The following SYMPK variants were observed in gnomAD, a reference collection of about 807,000 sequenced individuals.
SYMPK encodes the protein symplekin.
SYMPK carries 49 observed loss-of-function variants against 136.4 expected under a neutral mutation model. That is an observed-to-expected ratio of 0.36 (90% CI 0.29 to 0.46). SYMPK has a LOEUF of 0.46. Ranked by LOEUF, SYMPK falls within the 20% of genes least tolerant of loss-of-function variation. SYMPK has a pLI of 1.00. For synonymous variants in SYMPK, 766 were observed against 713.0 expected (o/e 1.07, Z -1.19); for missense variants, 1,365 against 1,690.0 (o/e 0.81, Z 3.37).
chr19:45,830,323 G>A, intron 12 of SYMPK, 119 bp from the exon 13 acceptor site: 1 of 1,145,606 alleles, frequency 8.7e-7, no homozygotes, highest in South Asian at 1.5e-5. Context: ...TCCCCCTGCT[G>A]CCTCTCCAGT....
chr19:45,842,548 C>T, intron 8 of SYMPK, 59 bp from the exon 9 acceptor site: 2 of 1,583,584 alleles, frequency 1.3e-6, no homozygotes, highest in Non-Finnish European at 1.7e-6. Flanking sequence ...TGCTGCCAGT[C>T]TTAATTCTCA....
chr19:45,850,068 CA>C (rs895193508), intron 5 of SYMPK, among the ~76,000 whole-genome samples: 26 of 149,360 alleles, frequency 1.7e-4, no homozygotes, highest in African/African-American at 4.7e-4. Context: ...AAAACAAAAA[CA>C]AAAAAAAACA....
At chr19:45,850,347 A>T (rs1004833638) in intron 5 of SYMPK, among the ~76,000 whole-genome samples, 2 of 152,258 alleles carry the variant, frequency 1.3e-5, no homozygotes, top group Non-Finnish European at 2.9e-5. Context: ...TCTTCAGTTA[A>T]AGGGTCAAAC....
chr19:45,833,344 G>A (rs183259277), intron 11 of SYMPK, among the ~76,000 whole-genome samples: 23 of 152,316 alleles, frequency 1.5e-4, no homozygotes, highest in Non-Finnish European at 3.1e-4. Flanking sequence ...GCTCACACCC[G>A]AAATCCCAGG....
intron 17 of SYMPK, 54 bp from the exon 18 acceptor site, chr19:45,825,385 C>G: frequency 1.3e-6 from 2 of 1,577,922 alleles, no homozygotes; most frequent in South Asian, 1.2e-5. Context: ...CCAACCCCCT[C>G]GGACCCTCAG....
chr19:45,816,139 C>G lies in SYMPK; in HGVS notation c.3399G>C (p.Arg1133=). The change falls in exon 26 of 27, where the codon CGG becomes CGC. Residue 1133 remains arginine (R), a synonymous_variant. Coordinates refer to ENST00000245934, the MANE Select transcript of SYMPK (RefSeq NM_004819.3). ...PLTLAPAPAP[R]PPQDLIGLRL... ...GCAGGCCGATGAGGTCCTGAGGGGG[C>G]CGGGGTGCTGGGGCCGGGGCCAAGG... 6.5e-7 allele frequency: 1 copy of G among 1,548,776 alleles called. No individual in the cohort carries two copies. Among genetic ancestry groups the G allele is most frequent in the African/African-American group, 1.4e-5 (1 of 73,526 alleles).
intron 7 of SYMPK, among the ~76,000 whole-genome samples, chr19:45,844,631 C>T (rs899624099): frequency 4.0e-5 from 6 of 151,730 alleles, no homozygotes; most frequent in Middle Eastern, 3.4e-3. Flanking sequence ...GCCGAGATCG[C>T]GCCACTGCAC....
chr19:45,820,762 T>C (rs1015752805), intron 22 of SYMPK: 5 of 195,374 alleles, frequency 2.6e-5, no homozygotes, highest in Non-Finnish European at 5.2e-5. Flanking sequence ...ACTTAGCTTC[T>C]GCTTGGCCCT....
At chr19:45,833,868 C>T (rs1274538063) in intron 11 of SYMPK, among the ~76,000 whole-genome samples, 3 of 152,158 alleles carry the variant, frequency 2.0e-5, no homozygotes, top group Non-Finnish European at 4.4e-5. Context: ...AGAAATATTA[C>T]AGGTCCAGTG....
Position 45,816,782 on chromosome 19 carries a change from TG to T in SYMPK, c.3258+15del, listed in dbSNP as rs780050553. Reference sequence around the variant, plus strand: ...CTGGGTGGGGGGAAAGGGTACCTGGTGGGGGGAAGGGGTACCTGGTGGGGGG... The same window carrying T: ...CTGGGTGGGGGGAAAGGGTACCTGGTGGGGGAAGGGGTACCTGGTGGGGGG... On this transcript the variant is annotated intron_variant, in intron 24 of 26. Coordinates refer to ENST00000245934, the MANE Select transcript of SYMPK (RefSeq NM_004819.3). 13 of 1,511,710 alleles carry T rather than the reference TG, an allele frequency of 8.6e-6. No homozygotes were observed. Among genetic ancestry groups the T allele is most frequent in the Admixed American group, 2.3e-5 (1 of 44,212 alleles). 93.6% of individuals were successfully genotyped at this position (1,511,710 alleles called of 1,614,324 possible). A position where few individuals can be genotyped will look rare whatever the true frequency, so the allele number is the denominator to read the frequency against.
chr19:45,824,022 A>C (rs1970975481), intron 18 of SYMPK, 147 bp from the exon 19 acceptor site: 2 of 468,576 alleles, frequency 4.3e-6, no homozygotes, highest in Non-Finnish European at 4.0e-6. Flanking sequence ...AAGGTGGGGA[A>C]GGGCAGGAGA....
chr19:45,853,640 G>A (rs931611381), intron 3 of SYMPK, among the ~76,000 whole-genome samples: 9 of 150,212 alleles, frequency 6.0e-5, no homozygotes, highest in African/African-American at 2.2e-4. Flanking sequence ...GAGATGCTCT[G>A]CCTCTCTCAT....
intron 1 of SYMPK, among the ~76,000 whole-genome samples, chr19:45,861,625 T>C (rs958763323): frequency 6.6e-6 from 1 of 151,572 alleles, no homozygotes; most frequent in East Asian, 1.9e-4. Context: ...TAATCCCAGC[T>C]ACCTGGGAGG....
rs754623665 is a variant in SYMPK at position 45,838,503 on chromosome 19, C to A, written c.1200G>T (p.Glu400Asp). Residue 400 changes from glutamate (E) to aspartate (D), a missense_variant, in exon 10 of 27, where the codon GAG becomes GAT. By Grantham distance (45) the Glu-to-Asp change is conservative. Coordinates refer to ENST00000245934, the MANE Select transcript of SYMPK (RefSeq NM_004819.3). ...CAGGCGTCAGCAGAGGCTGCAGGAA[C>A]TCAGCTGTGATGTCCGTGTCTGACT... Reference protein sequence around the residue: ...SGQSDTDITAEFLQPLLTPDN... With the variant: ...SGQSDTDITADFLQPLLTPDN... 2 of 1,613,986 alleles carry A rather than the reference C, an allele frequency of 1.2e-6. No homozygotes were observed. Among genetic ancestry groups the A allele is most frequent in the African/African-American group, 2.7e-5 (2 of 74,928 alleles).
chr19:45,834,942 TG>T, intron 11 of SYMPK, 135 bp downstream of exon 11: 1 of 760,710 alleles, frequency 1.3e-6, no homozygotes, highest in Non-Finnish European at 1.9e-6. Context: ...CATCTATCTG[TG>T]GTACCTGTCA....
At chr19:45,835,474 A>G (rs1971280952) in intron 10 of SYMPK, among the ~76,000 whole-genome samples, 1 of 152,214 alleles carries the variant, frequency 6.6e-6, no homozygotes, top group African/African-American at 2.4e-5. Flanking sequence ...CTCCCTGTGC[A>G]AGAAGCACCT....
At chr19:45,860,200 A>G (rs1293669272) in intron 1 of SYMPK, among the ~76,000 whole-genome samples, 1 of 152,036 alleles carries the variant, frequency 6.6e-6, no homozygotes, top group African/African-American at 2.4e-5. Context: ...TCAAGCCTAT[A>G]ATGCCAGCAC....
chr19:45,848,660 T>G (rs548227233), intron 6 of SYMPK, 90 bp downstream of exon 6: 1 of 1,562,024 alleles, frequency 6.4e-7, no homozygotes, highest in South Asian at 1.1e-5. Context: ...ATAAAGAGTA[T>G]GCTCGGATGC....
intron 22 of SYMPK, chr19:45,820,398 G>A (rs1165824233): frequency 1.3e-5 from 2 of 152,348 alleles, no homozygotes; most frequent in South Asian, 2.1e-4. Context: ...ATTTCCATAA[G>A]CTGCTCTCTT....
Sources: gnomAD v4.1 joint callset for allele counts (sites outside exome capture counted in the v4.1 genomes callset) on GRCh38, gnomAD v4.1.1 for gene constraint, MANE v1.5 for transcripts, NCBI Gene and HGNC (gene_info 2026-07-23, HGNC 2026-07-21) for gene names.